Variants in PTPRC observed in about 807,000 individuals in gnomAD.
PTPRC encodes the protein receptor-type tyrosine-protein phosphatase C.
In PTPRC, 44 loss-of-function variants were observed where a neutral mutation model predicts 155.9. That is an observed-to-expected ratio of 0.28 (90% CI 0.22 to 0.36). The LOEUF (loss-of-function observed/expected upper bound fraction) is 0.36, where lower values mean the gene tolerates loss of function less well. Ranked by LOEUF, PTPRC falls within the 10% of genes least tolerant of loss-of-function variation. PTPRC has a pLI of 1.00. For synonymous variants in PTPRC, 525 were observed against 533.1 expected (o/e 0.98, Z 0.21); for missense variants, 1,401 against 1,564.6 (o/e 0.90, Z 1.76).
At chr1:198,684,000 A>G (rs16843686) in intron 2 of PTPRC, among the ~76,000 whole-genome samples, 2,543 of 152,096 alleles carry the variant, frequency 0.017, 67 homozygotes, top group African/African-American at 0.058. Context: ...ATATCTCAAA[A>G]GGGCATGTAG....
rs117433439 is a variant in PTPRC, at chr1:198,741,141, G to T, written c.2404-728G>T. On this transcript the variant is annotated intron_variant, in intron 23 of 32. Transcript: ENST00000442510. ...GATGCCTATCTGGCTACATTCTGTAGTCTGGGTTTACTGGTGTTAATTAAC... is the reference window on the plus strand; with the variant it reads ...GATGCCTATCTGGCTACATTCTGTATTCTGGGTTTACTGGTGTTAATTAAC... Among the ~76,000 whole-genome samples, 69 of 151,970 alleles carry T rather than the reference G, an allele frequency of 4.5e-4. No homozygotes were observed. The East Asian group carries it at 0.013, about 29-fold the overall frequency.
At chr1:198,748,244 C>G (rs778331502) in intron 27 of PTPRC, 45 bp downstream of exon 27, 33 of 1,560,166 alleles carry the variant, frequency 2.1e-5, no homozygotes, top group Admixed American at 3.7e-5. Flanking sequence ...TAAAGTTAAG[C>G]TCTTTTGGAT....
chr1:198,666,006 C>CA (rs1664280203), intron 2 of PTPRC, among the ~76,000 whole-genome samples: 1 of 151,842 alleles, frequency 6.6e-6, no homozygotes, highest in African/African-American at 2.4e-5. Flanking sequence ...TTTGAGAGGC[C>CA]AAGGGGGGAG....
At chr1:198,665,914 G>A (rs1398604559) in intron 2 of PTPRC, among the ~76,000 whole-genome samples, 1 of 152,052 alleles carries the variant, frequency 6.6e-6, no homozygotes, top group Non-Finnish European at 1.5e-5. Flanking sequence ...TTTATATTAT[G>A]TTATTAGTAT....
At chr1:198,640,740 A>G (rs1662531740) in intron 2 of PTPRC, among the ~76,000 whole-genome samples, 1 of 151,994 alleles carries the variant, frequency 6.6e-6, no homozygotes, top group Non-Finnish European at 1.5e-5. Flanking sequence ...AATGAGCATA[A>G]AGAAATACTG....
chr1:198,667,648 G>A (rs1243388411), intron 2 of PTPRC, among the ~76,000 whole-genome samples: 1 of 152,166 alleles, frequency 6.6e-6, no homozygotes, highest in African/African-American at 2.4e-5. Context: ...CTAGATCCTA[G>A]TAAGAATATA....
chr1:198,683,834 A>G (rs1466100460), intron 2 of PTPRC, among the ~76,000 whole-genome samples: 23 of 152,132 alleles, frequency 1.5e-4, no homozygotes, highest in Admixed American at 1.5e-3. Flanking sequence ...AATTTTGTAA[A>G]CTATGTTCTC....
chr1:198,640,645 A>G (rs1456162722), intron 2 of PTPRC, among the ~76,000 whole-genome samples: 1 of 152,050 alleles, frequency 6.6e-6, no homozygotes, highest in Non-Finnish European at 1.5e-5. Context: ...AATAATCTCA[A>G]TGAAGTGATA....
intron 11 of PTPRC, among the ~76,000 whole-genome samples, chr1:198,710,817 G>T (rs186001254): frequency 6.6e-6 from 1 of 152,288 alleles, no homozygotes; most frequent in African/African-American, 2.4e-5. Context: ...ATAATATTGA[G>T]AAATTTTTGA....
intron 2 of PTPRC, among the ~76,000 whole-genome samples, chr1:198,675,888 T>C (rs1194676916): frequency 6.6e-6 from 1 of 152,176 alleles, no homozygotes; most frequent in Non-Finnish European, 1.5e-5. Flanking sequence ...CTAGAGAATA[T>C]TGGAAGCATT....
chr1:198,661,414 C>T (rs1304998994), intron 2 of PTPRC, among the ~76,000 whole-genome samples: 1 of 151,130 alleles, frequency 6.6e-6, no homozygotes, highest in Non-Finnish European at 1.5e-5. Context: ...GGAATAGTGT[C>T]ACTTTTTTGC....
chr1:198,698,982 C>T (rs546657726), intron 4 of PTPRC, among the ~76,000 whole-genome samples: 20 of 152,150 alleles, frequency 1.3e-4, no homozygotes, highest in African/African-American at 1.9e-4. Flanking sequence ...GAGATTGTTT[C>T]CACATGTTTT....
chr1:198,685,039 G>T (rs1665543989), intron 2 of PTPRC, among the ~76,000 whole-genome samples: 7 of 151,984 alleles, frequency 4.6e-5, no homozygotes, highest in Admixed American at 4.6e-4. Flanking sequence ...TACACTCACT[G>T]AGTCTTAGTT....
At chr1:198,695,306 C>A (rs1016250073) in intron 3 of PTPRC, 10 of 607,914 alleles carry the variant, frequency 1.6e-5, no homozygotes, top group Middle Eastern at 1.7e-3. Flanking sequence ...TTGTCTTTTG[C>A]CCAATCTTGT....
intron 26 of PTPRC, among the ~76,000 whole-genome samples, chr1:198,747,071 T>C (rs985076020): frequency 1.4e-4 from 22 of 151,786 alleles, no homozygotes; most frequent in African/African-American, 5.3e-4. Flanking sequence ...CTTCTCAGTT[T>C]CAGTTATTTG....
intron 28 of PTPRC, 29 bp from the exon 29 acceptor site, chr1:198,750,463 G>A (rs1294492084): frequency 6.2e-6 from 10 of 1,605,474 alleles, no homozygotes; most frequent in Middle Eastern, 1.7e-4. Flanking sequence ...CTGTAGTAAC[G>A]AAGTCCCACC....
At chr1:198,743,942 A>G in intron 25 of PTPRC, 112 bp from the exon 26 acceptor site, 4 of 1,059,688 alleles carry the variant, frequency 3.8e-6, no homozygotes, top group South Asian at 1.4e-5. Flanking sequence ...TTACTTTGCC[A>G]TGAATTGTTC....
chr1:198,707,462 C>T (rs997239572), intron 9 of PTPRC, among the ~76,000 whole-genome samples: 1 of 152,094 alleles, frequency 6.6e-6, no homozygotes, highest in African/African-American at 2.4e-5. Flanking sequence ...GAGGGGGTGA[C>T]AGGCGTCGGG....
At chr1:198,651,060 T>C (rs531595777) in intron 2 of PTPRC, among the ~76,000 whole-genome samples, 1 of 151,958 alleles carries the variant, frequency 6.6e-6, no homozygotes, top group South Asian at 2.1e-4. Context: ...GAATTAGATG[T>C]CTTTACCTAA....
Sources: allele counts gnomAD v4.1 joint callset (sites outside exome capture counted in the v4.1 genomes callset), GRCh38; gene constraint gnomAD v4.1.1; transcripts MANE v1.5; gene names NCBI Gene and HGNC (gene_info 2026-07-23, HGNC 2026-07-21).